The following RTN4 variants were observed in gnomAD, a reference collection of about 807,000 sequenced individuals.
RTN4 encodes the protein reticulon 4.
RTN4 carries 32 observed loss-of-function variants against 90.4 expected under a neutral mutation model. The ratio of observed to expected loss-of-function variants is 0.35; its 90% CI spans 0.27 to 0.48. RTN4 has a LOEUF of 0.48. Among genes scored for constraint, RTN4 ranks in the 20% least tolerant of loss-of-function variants. The probability of loss-of-function intolerance (pLI) is 0.99; values close to 1 mark genes in which losing one functional copy is unlikely to be tolerated. For synonymous variants in RTN4, 629 were observed against 552.5 expected (o/e 1.14, Z -1.94); for missense variants, 1,706 against 1,430.2 (o/e 1.19, Z -3.11).
chr2:54,972,950 A>AGCTT lies in RTN4; in HGVS notation c.*202_*205dup. 2.2e-6 allele frequency: 1 copy of AGCTT among 452,706 alleles called. No individual in the cohort carries two copies. Among genetic ancestry groups the AGCTT allele is most frequent in the East Asian group, 3.1e-5 (1 of 32,056 alleles). 28.0% of individuals were successfully genotyped at this position (452,706 alleles called of 1,614,324 possible). A position where few individuals can be genotyped will look rare whatever the true frequency, so the allele number is the denominator to read the frequency against. On this transcript the variant is annotated 3_prime_UTR_variant, in exon 9 of 9. Coordinates refer to ENST00000337526, the MANE Select transcript of RTN4 (RefSeq NM_020532.5). ...ATTACGGTTTAAATCCATACATAGC[A>AGCTT]GCTTACAATACTTAAGATGATGAAC... is the stretch of plus-strand genomic sequence containing the variant.
At chr2:54,982,714 T>A in intron 4 of RTN4, 61 bp from the exon 5 acceptor site, 14 of 1,500,690 alleles carry the variant, frequency 9.3e-6, no homozygotes, top group Non-Finnish European at 1.3e-5. Flanking sequence ...TAAATGTCAA[T>A]CAGAAATTAT....
intron 2 of RTN4, among the ~76,000 whole-genome samples, chr2:55,079,046 A>C (rs1668655541): frequency 6.6e-6 from 1 of 152,250 alleles, no homozygotes. Context: ...GAAGGCCTGC[A>C]TTAAGCTGGT....
chr2:55,049,269 G>T, intron 1 of RTN4: 1 of 640,784 alleles, frequency 1.6e-6, no homozygotes, highest in Non-Finnish European at 1.9e-6. Context: ...GCAGAATGCA[G>T]GCCAACAGAC....
chr2:55,078,795 G>C (rs1668650395), intron 2 of RTN4, among the ~76,000 whole-genome samples: 1 of 152,158 alleles, frequency 6.6e-6, no homozygotes. Context: ...TGAAATTTGA[G>C]GTTACTAAGA....
intron 3 of RTN4, among the ~76,000 whole-genome samples, chr2:55,022,226 T>C (rs1224717660): frequency 6.6e-6 from 1 of 152,150 alleles, no homozygotes; most frequent in Non-Finnish European, 1.5e-5. Context: ...TTCAAAGGTG[T>C]TGCTACACCG....
At chr2:55,103,115 A>AG (rs1267783025) in intron 1 of RTN4, among the ~76,000 whole-genome samples, 2 of 151,826 alleles carry the variant, frequency 1.3e-5, no homozygotes, top group African/African-American at 4.8e-5. Flanking sequence ...TCCGGAAAAA[A>AG]AAAAAAAAAA....
intron 1 of RTN4, among the ~76,000 whole-genome samples, chr2:55,039,567 G>C (rs1173237655): frequency 1.3e-5 from 2 of 152,192 alleles, no homozygotes; most frequent in Admixed American, 1.3e-4. Flanking sequence ...ATCACCTGAG[G>C]TCAGGAATTC....
At chr2:55,085,949 C>T (rs1256087113) in intron 1 of RTN4, among the ~76,000 whole-genome samples, 1 of 152,108 alleles carries the variant, frequency 6.6e-6, no homozygotes, top group African/African-American at 2.4e-5. Flanking sequence ...CCTCATTTGA[C>T]CAAAAATAAG....
chr2:54,987,831 G>A, intron 3 of RTN4, 133 bp from the exon 4 acceptor site: 11 of 704,682 alleles, frequency 1.6e-5, no homozygotes, highest in South Asian at 1.3e-4. Flanking sequence ...CTAAGTTAAA[G>A]AAACACTAAC....
intron 1 of RTN4, among the ~76,000 whole-genome samples, chr2:55,037,243 G>A (rs748993798): frequency 3.3e-5 from 5 of 152,206 alleles, no homozygotes; most frequent in Non-Finnish European, 5.9e-5. Flanking sequence ...CTAAACAACA[G>A]AGATATCACA....
chr2:55,015,275 G>C lies in RTN4; in HGVS notation c.3013+9811C>G, dbSNP rs979758398. ...GCAGCTAGATCAGAGTATGGGAATAGGAAAACAACTCTAACACCAAAAAAA... is the reference window on the plus strand; with the variant it reads ...GCAGCTAGATCAGAGTATGGGAATACGAAAACAACTCTAACACCAAAAAAA... On this transcript the variant is annotated intron_variant, in intron 3 of 8. Coordinates refer to ENST00000337526, the MANE Select transcript of RTN4 (RefSeq NM_020532.5). 6.6e-5 allele frequency among the ~76,000 whole-genome samples: 10 copies of C among 152,232 alleles called. No homozygotes were observed. In the South Asian group the frequency reaches 1.4e-3, roughly 22 times the overall value.
chr2:55,125,330 T>A, the RTN4 span, among the ~76,000 whole-genome samples: 1 of 152,142 alleles, frequency 6.6e-6, no homozygotes, highest in Admixed American at 6.5e-5. Context: ...GGGAGAAACC[T>A]ACAGAATGGG....
chr2:54,983,781 C>T (rs1352117084), intron 4 of RTN4, among the ~76,000 whole-genome samples: 1 of 152,184 alleles, frequency 6.6e-6, no homozygotes, highest in Non-Finnish European at 1.5e-5. Context: ...CTAGGCTGAA[C>T]TCAAGCAAGA....
At chr2:55,113,190 T>C (rs887635755), upstream of RTN4, among the ~76,000 whole-genome samples, 3 of 152,154 alleles carry the variant, frequency 2.0e-5, no homozygotes, top group Non-Finnish European at 2.9e-5. Context: ...AAAGAAGCCC[T>C]CTCCTTTCTT....
intron 1 of RTN4, chr2:55,049,035 G>GT: frequency 1.1e-6 from 1 of 897,178 alleles, no homozygotes; most frequent in Non-Finnish European, 1.3e-6. Flanking sequence ...GTGGGGAGCA[G>GT]TCCACATCAC....
At chr2:54,990,403 T>TA (rs1442093048) in intron 3 of RTN4, among the ~76,000 whole-genome samples, 1 of 152,150 alleles carries the variant, frequency 6.6e-6, no homozygotes, top group African/African-American at 2.4e-5. Context: ...GATTTGTCAA[T>TA]AAAAAAATAG....
chr2:55,012,644 GCA>G (rs1680728670), intron 3 of RTN4, among the ~76,000 whole-genome samples: 1 of 152,092 alleles, frequency 6.6e-6, no homozygotes, highest in African/African-American at 2.4e-5. Context: ...CAAAAAGTAG[GCA>G]CTATGTAAGT....
At chr2:55,008,575 TC>T (rs1680405493) in intron 3 of RTN4, among the ~76,000 whole-genome samples, 1 of 151,956 alleles carries the variant, frequency 6.6e-6, no homozygotes, top group African/African-American at 2.4e-5. Flanking sequence ...AAAGTGAGGC[TC>T]CCCAGAGATA....
Position 54,973,215 on chromosome 2 carries a change from C to T in RTN4, c.3537-17G>A, listed in dbSNP as rs1677270259. ...GCTTGGATTCTGAAAATGAAAAAGT[C>T]AATGTAAATATCAGTTTTGTTTGCT... On this transcript the variant is annotated splice_polypyrimidine_tract_variant and intron_variant, in intron 8 of 8. Transcript: ENST00000337526. 2 of 1,597,216 alleles carry T rather than the reference C, an allele frequency of 1.3e-6. No homozygotes were observed. Among genetic ancestry groups the T allele is most frequent in the Non-Finnish European group, 8.6e-7 (1 of 1,166,382 alleles).
Sources: allele counts gnomAD v4.1 joint callset (sites outside exome capture counted in the v4.1 genomes callset), GRCh38; gene constraint gnomAD v4.1.1; transcripts MANE v1.5; gene names NCBI Gene and HGNC (gene_info 2026-07-23, HGNC 2026-07-21).